Variants in FAM98B observed in about 807,000 individuals in gnomAD.
FAM98B encodes the protein tRNA-splicing ligase complex subunit FAM98B.
In FAM98B, 32 loss-of-function variants were observed where a neutral mutation model predicts 43.9. That is an observed-to-expected ratio of 0.73 (90% CI 0.55 to 0.98). The LOEUF is 0.98. FAM98B is among the 50% of genes least tolerant of loss of function. The pLI, the probability that FAM98B is intolerant of heterozygous loss-of-function variation, is 0.00. For missense variants in FAM98B, 514 were observed against 522.9 expected (o/e 0.98, Z 0.17); for synonymous variants, 190 against 174.0 (o/e 1.09, Z -0.72).
chr15:38,460,470 A>C (rs1048062516), intron 1 of FAM98B, among the ~76,000 whole-genome samples: 1 of 152,106 alleles, frequency 6.6e-6, no homozygotes, highest in African/African-American at 2.4e-5. Flanking sequence ...AGGTCTGTGG[A>C]CTAGCAGCGT....
chr15:38,482,262 T>C (rs1157292116), intron 7 of FAM98B: 2 of 152,336 alleles, frequency 1.3e-5, no homozygotes, highest in Non-Finnish European at 1.5e-5. Flanking sequence ...TTTGCCTCTG[T>C]GCTTCCACTG....
Position 38,481,433 on chromosome 15 carries a change from G to A in FAM98B, c.871G>A (p.Glu291Lys), listed in dbSNP as rs1288934424. ...IIRTSSGTSR[E>K]KTACAINKVL... ...TAGGACAAGTAGTGGCACCAGCCGG[G>A]AGAAGACCGCATGTGCCATTAATAA... Residue 291 changes from glutamate (E) to lysine (K), a missense_variant, in exon 7 of 8, where the codon GAG (glutamate) becomes AAG (lysine). Coordinates refer to ENST00000397609, the MANE Select transcript of FAM98B (RefSeq NM_173611.4). 1.2e-6 allele frequency: 2 copies of A among 1,614,072 alleles called. No individual in the cohort carries two copies. The highest frequency in any genetic ancestry group is 1.7e-6 in the Non-Finnish European group (2 of 1,180,034).
rs1350402470 is a variant in FAM98B, at chr15:38,487,155, C to T, written c.*2496C>T. The T allele has an allele frequency of 6.6e-6, 1 of 152,100 alleles. No homozygotes were observed. Among genetic ancestry groups the T allele is most frequent in the African/African-American group, 2.4e-5 (1 of 41,438 alleles). 9.4% of individuals were successfully genotyped at this position (152,100 alleles called of 1,614,324 possible). On this transcript the variant is annotated 3_prime_UTR_variant, in exon 8 of 8. Coordinates refer to ENST00000397609, the MANE Select transcript of FAM98B (RefSeq NM_173611.4). ...GCATGTATTCTGTCTATAACATAAT[C>T]ACCACACTATTACTCATAAGCACAC...
intron 6 of FAM98B, among the ~76,000 whole-genome samples, chr15:38,478,000 CAG>C (rs796085148): frequency 6.6e-5 from 10 of 152,190 alleles, no homozygotes; most frequent in African/African-American, 2.4e-4. Context: ...TTTAACCTAA[CAG>C]AATTTTAATG....
chr15:38,458,966 TAGC>T (rs2141051236), intron 1 of FAM98B: 1 of 395,534 alleles, frequency 2.5e-6, no homozygotes, highest in South Asian at 2.2e-5. Context: ...GTTCCTGACT[TAGC>T]AGCCCTGGTG....
At position 38,484,698 on chromosome 15, in the gene FAM98B, A is replaced by G; in HGVS notation, c.*39A>G. 6.7e-7 allele frequency: 1 copy of G among 1,494,978 alleles called. No individual in the cohort carries two copies. The highest frequency in any genetic ancestry group is 1.4e-5 in the South Asian group (1 of 73,658). The allele number at this position is 1,494,978 out of a possible 1,614,324, so 92.6% of individuals were successfully genotyped here. The stretch of plus-strand genomic sequence containing the variant: ...TAGATAGCAGTGCTTGCTTCTTTAT[A>G]GATACATTAGAAATAGTGTTCCAAA... On this transcript the variant is annotated 3_prime_UTR_variant, in exon 8 of 8. Transcript: ENST00000397609.
intron 3 of FAM98B, among the ~76,000 whole-genome samples, chr15:38,467,583 G>A (rs984566099): frequency 6.6e-6 from 1 of 152,102 alleles, no homozygotes; most frequent in African/African-American, 2.4e-5. Flanking sequence ...CTCTTAGGAG[G>A]ACACATTTTC....
chr15:38,476,631 T>C (rs571941641), intron 6 of FAM98B, among the ~76,000 whole-genome samples: 25 of 152,062 alleles, frequency 1.6e-4, no homozygotes, highest in Non-Finnish European at 3.4e-4. Flanking sequence ...TTTCCATAAA[T>C]TCTTTTTGAT....
intron 1 of FAM98B, chr15:38,459,095 T>C: frequency 2.9e-6 from 1 of 339,714 alleles, no homozygotes; most frequent in Non-Finnish European, 5.8e-6. Context: ...ATTCAAAGAG[T>C]TCTCTCATTC....
At chr15:38,459,516 G>A in intron 1 of FAM98B, 3 of 320,422 alleles carry the variant, frequency 9.4e-6, no homozygotes, top group South Asian at 2.6e-5. Flanking sequence ...CCCTGTGCCT[G>A]GGTGATGATG....
intron 7 of FAM98B, chr15:38,481,817 G>T: frequency 2.2e-6 from 1 of 458,670 alleles, no homozygotes. Context: ...GTAAAGGGAA[G>T]AAGAGTTTGT....
intron 3 of FAM98B, among the ~76,000 whole-genome samples, chr15:38,469,598 A>G (rs1890093123): frequency 1.3e-5 from 2 of 151,594 alleles, no homozygotes; most frequent in South Asian, 4.1e-4. Context: ...TTCCTGGCTC[A>G]GAACAGGTCC....
At chr15:38,458,927 T>C in intron 1 of FAM98B, 1 of 420,706 alleles carries the variant, frequency 2.4e-6, no homozygotes, top group Non-Finnish European at 4.8e-6. Context: ...GATGAGGGTT[T>C]TCCTCAGGTT....
At chr15:38,463,706 G>A (rs1383856581) in intron 1 of FAM98B, among the ~76,000 whole-genome samples, 1 of 151,826 alleles carries the variant, frequency 6.6e-6, no homozygotes, top group Non-Finnish European at 1.5e-5. Flanking sequence ...TGTGATACCT[G>A]TGGTATTTAT....
In FAM98B at chr15:38,470,236, G is replaced by C. The variant is rs1890102915; in HGVS notation, c.362G>C (p.Ser121Thr). Residue 121 changes from serine to threonine, a missense_variant, in exon 4 of 8, where the codon AGT (serine) becomes ACT (threonine). Physicochemically the swap from Ser to Thr is moderately conservative, Grantham distance 58 (BLOSUM62 1). Transcript: ENST00000397609. ...EDCLKLLLFL[S>T]TELQASQILQ... Reference sequence around the variant, plus strand: ...TTTCTCTTTATTGTAGTATTTTTAAGTACAGAACTTCAAGCTTCACAGATA... The same window carrying C: ...TTTCTCTTTATTGTAGTATTTTTAACTACAGAACTTCAAGCTTCACAGATA... 6.8e-7 allele frequency: 1 copy of C among 1,465,154 alleles called. No homozygotes were observed. Among genetic ancestry groups the C allele is most frequent in the Non-Finnish European group, 9.2e-7 (1 of 1,089,822 alleles). 90.8% of individuals were successfully genotyped at this position (1,465,154 alleles called of 1,614,324 possible).
chr15:38,469,094 C>T lies in FAM98B; in HGVS notation c.353-1133C>T, dbSNP rs563688486. Among the ~76,000 whole-genome samples, 7 of 152,046 alleles carry T rather than the reference C, an allele frequency of 4.6e-5. No individual in the cohort carries two copies. In the East Asian group the frequency reaches 1.2e-3, roughly 25 times the overall value. ...CTAATTTTTGTACTTTTAGTAGAGT[C>T]GGGGTTTCACCATGTTGGCCAAGCT... On this transcript the variant is annotated intron_variant, in intron 3 of 7. Transcript: ENST00000397609.
rs150377940 is a variant in FAM98B at position 38,480,401 on chromosome 15, A to G, written c.730-891A>G. ...ATGAGGCTCTGAGTCTCAATATACTATTTCATCAATCTATGTTTTTTTCTC... is the reference window on the plus strand; with the variant it reads ...ATGAGGCTCTGAGTCTCAATATACTGTTTCATCAATCTATGTTTTTTTCTC... On this transcript the variant is annotated intron_variant, in intron 6 of 7. Transcript: ENST00000397609. Among the ~76,000 whole-genome samples the G allele has an allele frequency of 2.8e-3, 420 of 152,142 alleles. 3 individuals are homozygous for G. The highest frequency in any genetic ancestry group is 9.6e-3 in the African/African-American group (398 of 41,516).
chr15:38,457,308 C>T (rs912552285), intron 1 of FAM98B, among the ~76,000 whole-genome samples: 11 of 152,154 alleles, frequency 7.2e-5, no homozygotes, highest in African/African-American at 2.2e-4. Context: ...TGAGCCACCA[C>T]GCCCCAACAG....
At chr15:38,462,241 A>G (rs1037062174) in intron 1 of FAM98B, among the ~76,000 whole-genome samples, 7 of 152,344 alleles carry the variant, frequency 4.6e-5, no homozygotes, top group African/African-American at 1.7e-4. Context: ...ACTGAAAAAC[A>G]TGATGGAAGG....
Sources: allele counts gnomAD v4.1 joint callset (sites outside exome capture counted in the v4.1 genomes callset), GRCh38; gene constraint gnomAD v4.1.1; transcripts MANE v1.5; gene names NCBI Gene and HGNC (gene_info 2026-07-23, HGNC 2026-07-21).